NLGN4Y: variants seen among roughly 807,000 people sequenced by gnomAD.
The protein encoded by NLGN4Y is neuroligin-4, Y-linked.
In NLGN4Y, 4 loss-of-function variants were observed where a neutral mutation model predicts 8.4. The observed-to-expected ratio is 0.48, with a 90% CI of 0.23 to 1.09. The LOEUF (loss-of-function observed/expected upper bound fraction) is 1.09, where lower values mean the gene tolerates loss of function less well. Among genes scored for constraint, NLGN4Y ranks in the 50% least tolerant of loss-of-function variants. The pLI is 0.19. For missense variants in NLGN4Y, 90 were observed against 192.3 expected (o/e 0.47, Z 3.15); for synonymous variants, 35 against 75.6 (o/e 0.46, Z 2.78).
intron 4 of NLGN4Y, among the ~76,000 whole-genome samples, chrY:14,736,542 C>T: frequency 3.1e-5 from 1 of 32,147 alleles, no homozygotes; most frequent in Non-Finnish European, 7.6e-5. Flanking sequence ...GTCTAGGGAC[C>T]GAAAGATATG....
At chrY:14,789,883 C>G (rs746192497) in intron 4 of NLGN4Y, among the ~76,000 whole-genome samples, 6 of 33,701 alleles carry the variant, frequency 1.8e-4, no homozygotes, top group Admixed American at 1.6e-3. Context: ...TCTGGCAAGA[C>G]ATTTAGGTCC....
chrY:14,742,379 T>C (rs2081008970), intron 4 of NLGN4Y, among the ~76,000 whole-genome samples: 2 of 32,602 alleles, frequency 6.1e-5, no homozygotes, highest in Non-Finnish European at 1.5e-4. Flanking sequence ...ATTTAACCTG[T>C]CTGGCCCTCA....
At chrY:14,797,542 G>A in intron 4 of NLGN4Y, among the ~76,000 whole-genome samples, 2 of 33,106 alleles carry the variant, frequency 6.0e-5, no homozygotes, top group South Asian at 6.6e-4. Context: ...GTGATCTGCC[G>A]GCCTAGGCCT....
chrY:14,691,167 T>G (rs1021059047), intron 2 of NLGN4Y, among the ~76,000 whole-genome samples: 7 of 33,168 alleles, frequency 2.1e-4, no homozygotes, highest in African/African-American at 8.2e-4. Context: ...AAATCACATT[T>G]AGCGCCTTTC....
At chrY:14,805,820 A>G (rs2043054735) in intron 4 of NLGN4Y, among the ~76,000 whole-genome samples, 2 of 34,327 alleles carry the variant, frequency 5.8e-5, no homozygotes, top group Non-Finnish European at 1.5e-4. Flanking sequence ...TAAGTATTTT[A>G]TCTCAATTTC....
intron 1 of NLGN4Y, among the ~76,000 whole-genome samples, chrY:14,571,663 G>A: frequency 3.0e-5 from 1 of 33,386 alleles, no homozygotes; most frequent in Admixed American, 2.8e-4. Flanking sequence ...TAGACATGAA[G>A]TCCTTGCTCT....
chrY:14,629,355 A>G (rs2080540709), intron 2 of NLGN4Y, among the ~76,000 whole-genome samples: 2 of 34,244 alleles, frequency 5.8e-5, no homozygotes, highest in Admixed American at 5.3e-4. Context: ...CTTTTCTGGC[A>G]TTCTGCGTTA....
chrY:14,590,099 C>T (rs1054594144), intron 1 of NLGN4Y, among the ~76,000 whole-genome samples: 1 of 34,507 alleles, frequency 2.9e-5, no homozygotes, highest in South Asian at 6.3e-4. Flanking sequence ...GCCAAGCCCA[C>T]GCCCACCCGG....
chrY:14,698,270 A>G, intron 2 of NLGN4Y, among the ~76,000 whole-genome samples: 1 of 33,536 alleles, frequency 3.0e-5, no homozygotes, highest in Admixed American at 2.7e-4. Flanking sequence ...CTTTTCTCAA[A>G]TTGTCCAACT....
chrY:14,830,405 T>A lies in NLGN4Y; in HGVS notation c.1547T>A (p.Val516Asp). Residue 516 changes from valine to aspartate, a missense_variant, in exon 6 of 7, where the codon GTC becomes GAC. Around this residue, in one of 4 missense-constraint regions of NLGN4Y, gnomAD observed 37 missense variants for 94.0 expected, o/e 0.39. Coordinates refer to ENST00000684976, the MANE Select transcript of NLGN4Y (RefSeq NM_001365588.1). ...DSAHGDEVPYVFGIPMIGPTE... is the reference protein window; with the variant it reads ...DSAHGDEVPYDFGIPMIGPTE... Reference sequence around the variant, plus strand: ...GCCCATGGCGATGAAGTCCCCTATGTCTTCGGCATCCCCATGATCGGTCCC... The same window carrying A: ...GCCCATGGCGATGAAGTCCCCTATGACTTCGGCATCCCCATGATCGGTCCC... The A allele has an allele frequency of 2.5e-6, 1 of 399,348 alleles. No homozygotes were observed. Among genetic ancestry groups the A allele is most frequent in the Non-Finnish European group, 3.5e-6 (1 of 283,758 alleles).
At chrY:14,692,089 G>A (rs1039306221) in intron 2 of NLGN4Y, among the ~76,000 whole-genome samples, 6 of 32,543 alleles carry the variant, frequency 1.8e-4, no homozygotes, top group Admixed American at 2.8e-4. Flanking sequence ...AAGATACTAA[G>A]ATCTTATTAA....
rs376522793 is a variant in NLGN4Y at position 14,629,102 on chromosome Y, T to A, written c.472+6511T>A. Among the ~76,000 whole-genome samples, 58 of 33,800 alleles carry A rather than the reference T, an allele frequency of 1.7e-3. No individual in the cohort carries two copies. In the South Asian group the frequency reaches 0.038, roughly 22 times the overall value. The allele number at this position is 33,800 out of a possible 37,273, so 90.7% of individuals were successfully genotyped here. On this transcript the variant is annotated intron_variant, in intron 2 of 6. Coordinates refer to ENST00000684976, the MANE Select transcript of NLGN4Y (RefSeq NM_001365588.1). ...TAAGCCATTGGACTGGGACCATAAA[T>A]GTTTTTATGTTATCCATAGCTGCTC...
At position 14,773,694 on chromosome Y, in the gene NLGN4Y, A is replaced by T. The variant is rs759646257; in HGVS notation, c.685+50425A>T. Among the ~76,000 whole-genome samples the T allele has an allele frequency of 4.0e-3, 134 of 33,358 alleles. No homozygotes were observed. In the East Asian group the frequency reaches 0.1, roughly 26 times the overall value. 89.5% of individuals were successfully genotyped at this position (33,358 alleles called of 37,273 possible). On this transcript the variant is annotated intron_variant, in intron 4 of 6. Transcript: ENST00000684976. ...ATAGTACAAGGCCATAGTAACCAAA[A>T]CAGCATGGTTCTCATACCAAAACAG...
chrY:14,686,349 C>G, intron 2 of NLGN4Y, among the ~76,000 whole-genome samples: 2 of 32,935 alleles, frequency 6.1e-5, no homozygotes, highest in Non-Finnish European at 1.5e-4. Flanking sequence ...AAGCTCTTTT[C>G]TTTCATCCTT....
chrY:14,586,340 G>A, intron 1 of NLGN4Y, among the ~76,000 whole-genome samples: 1 of 33,251 alleles, frequency 3.0e-5, no homozygotes, highest in Non-Finnish European at 7.4e-5. Flanking sequence ...CTTACATACA[G>A]CTGTCTGCCT....
chrY:14,579,580 C>T (rs901282815), intron 1 of NLGN4Y, among the ~76,000 whole-genome samples: 1 of 32,505 alleles, frequency 3.1e-5, no homozygotes, highest in African/African-American at 1.2e-4. Context: ...AGTATGGTGG[C>T]ACTTGCCTGT....
At chrY:14,782,937 G>GA (rs2042948133) in intron 4 of NLGN4Y, among the ~76,000 whole-genome samples, 1 of 33,751 alleles carries the variant, frequency 3.0e-5, no homozygotes, top group Non-Finnish European at 7.4e-5. Flanking sequence ...AACTGATGAA[G>GA]AGAACTCTTT....
chrY:14,715,781 A>AT (rs2080913504), intron 2 of NLGN4Y, among the ~76,000 whole-genome samples: 19 of 32,305 alleles, frequency 5.9e-4, no homozygotes, highest in African/African-American at 8.5e-4. Flanking sequence ...TGAAAGTATA[A>AT]TTTTTTTTTA....
intron 2 of NLGN4Y, among the ~76,000 whole-genome samples, chrY:14,657,748 C>T: frequency 3.0e-5 from 1 of 33,544 alleles, no homozygotes; most frequent in African/African-American, 1.2e-4. Flanking sequence ...ACAGAAATTA[C>T]TTGAAATTAT....
Sources: allele counts gnomAD v4.1 joint callset (sites outside exome capture counted in the v4.1 genomes callset), GRCh38; gene constraint gnomAD v4.1.1; regional missense constraint gnomAD v4.1.1; transcripts MANE v1.5; gene names NCBI Gene and HGNC (gene_info 2026-07-23, HGNC 2026-07-21).